SNX27: variants seen among roughly 807,000 people sequenced by gnomAD.
The protein encoded by SNX27 is sorting nexin 27, also known as sorting nexin-27.
SNX27 carries 22 observed loss-of-function variants against 71.6 expected under a neutral mutation model. The observed-to-expected ratio is 0.31, with a 90% CI of 0.22 to 0.44. The LOEUF is 0.44. Among genes scored for constraint, SNX27 ranks in the 20% least tolerant of loss-of-function variants. The probability of loss-of-function intolerance (pLI) is 1.00; values close to 1 mark genes in which losing one functional copy is unlikely to be tolerated. For synonymous variants in SNX27, 269 were observed against 277.2 expected (o/e 0.97, Z 0.29); for missense variants, 531 against 698.6 (o/e 0.76, Z 2.70).
At position 151,612,902 on chromosome 1, in the gene SNX27, G is replaced by C. The variant is rs1289346694; in HGVS notation, c.311+390G>C. 6.6e-6 allele frequency among the ~76,000 whole-genome samples: 1 copy of C among 151,922 alleles called. No individual in the cohort carries two copies. Among genetic ancestry groups the C allele is most frequent in the Non-Finnish European group, 1.5e-5 (1 of 67,990 alleles). On this transcript the variant is annotated intron_variant, in intron 1 of 11. Coordinates refer to ENST00000458013, the MANE Select transcript of SNX27 (RefSeq NM_001330723.2). This position sits in a 1 kb window ranked among gnomAD's most constrained non-coding sequence, Gnocchi z 5.2. ...CCTTACTGACGGCGTTTCGTTTTCT[G>C]ATCCAGCCAGTACCGTGTCCCCCCC...
chr1:151,670,037 C>T (rs1670390835), intron 7 of SNX27, among the ~76,000 whole-genome samples: 1 of 152,130 alleles, frequency 6.6e-6, no homozygotes, highest in South Asian at 2.1e-4. Flanking sequence ...TGACTCTTCC[C>T]CAATTCCCCA....
At chr1:151,639,242 A>G (rs547875183) in intron 2 of SNX27, 123 bp downstream of exon 2, 3 of 752,008 alleles carry the variant, frequency 4.0e-6, no homozygotes, top group Non-Finnish European at 6.4e-6. Flanking sequence ...TACCAGGAGG[A>G]TGAGTTCACA....
chr1:151,625,313 C>G (rs914004943), intron 1 of SNX27, among the ~76,000 whole-genome samples: 4 of 151,964 alleles, frequency 2.6e-5, no homozygotes, highest in Non-Finnish European at 5.9e-5. Context: ...CGAGACTAGC[C>G]TGGCCAACAT....
intron 8 of SNX27, among the ~76,000 whole-genome samples, chr1:151,689,170 C>T (rs961263254): frequency 2.0e-5 from 3 of 152,164 alleles, no homozygotes; most frequent in African/African-American, 7.2e-5. Flanking sequence ...TATGAAGTCT[C>T]ATTTTCTCCT....
intron 1 of SNX27, among the ~76,000 whole-genome samples, chr1:151,633,447 C>T (rs1438217814): frequency 1.3e-5 from 2 of 152,092 alleles, no homozygotes; most frequent in Non-Finnish European, 2.9e-5. Context: ...CAGGCCTGCT[C>T]CAGGATGCCC....
chr1:151,634,662 A>G (rs1455436449), intron 1 of SNX27, among the ~76,000 whole-genome samples: 1 of 152,208 alleles, frequency 6.6e-6, no homozygotes, highest in Non-Finnish European at 1.5e-5. Flanking sequence ...AAGACATAAA[A>G]TAAATTAGAT....
rs184756944 is a variant in SNX27 at position 151,662,900 on chromosome 1, C to G, written c.906+630C>G. On this transcript the variant is annotated intron_variant, in intron 5 of 11. Transcript: ENST00000458013. ...AATTATCAAGATTTTGCCACATTTG[C>G]GTTATGTATGTCTTTTTTCTTTTCC... Among the ~76,000 whole-genome samples the G allele has an allele frequency of 2.8e-3, 424 of 152,048 alleles. 1 individual carries two copies. Among genetic ancestry groups the G allele is most frequent in the African/African-American group, 9.5e-3 (394 of 41,488 alleles).
At chr1:151,632,873 TA>T (rs1668303799) in intron 1 of SNX27, among the ~76,000 whole-genome samples, 3 of 151,628 alleles carry the variant, frequency 2.0e-5, no homozygotes, top group Admixed American at 2.0e-4. Flanking sequence ...TATTTATTTT[TA>T]TTTTTTATTT....
At chr1:151,690,374 GT>G (rs916739437) in intron 8 of SNX27, among the ~76,000 whole-genome samples, 12 of 151,630 alleles carry the variant, frequency 7.9e-5, no homozygotes, top group African/African-American at 2.2e-4. Context: ...TACTTTAAAA[GT>G]TTTTTTTTAG....
Position 151,647,112 on chromosome 1 carries a change from GGTTTACA to G in SNX27, c.543+7994_543+8000del. On this transcript the variant is annotated intron_variant, in intron 2 of 11. Coordinates refer to ENST00000458013, the MANE Select transcript of SNX27 (RefSeq NM_001330723.2). Reference sequence around the variant, plus strand: ...TTTTGCCTGGGTCTACTGACAGACAGGTTTACATCATCTCTATTACTTTTTTTTTTTT... The same window carrying G: ...TTTTGCCTGGGTCTACTGACAGACAGTCATCTCTATTACTTTTTTTTTTTT... 2.0e-5 allele frequency among the ~76,000 whole-genome samples: 3 copies of G among 150,186 alleles called. No individual in the cohort carries two copies. In the South Asian group the frequency reaches 6.3e-4, roughly 32 times the overall value.
Position 151,697,999 on chromosome 1 carries a change from G to C in SNX27, c.*3582G>C, listed in dbSNP as rs544801446. ...CCTTGGGCCATGCTTTGGGCCCTCT[G>C]CTCTTTATATGTTTATTCTATTCTC... is the stretch of plus-strand genomic sequence containing the variant. On this transcript the variant is annotated 3_prime_UTR_variant, in exon 12 of 12. Coordinates refer to ENST00000458013, the MANE Select transcript of SNX27 (RefSeq NM_001330723.2). 8 of 152,152 alleles carry C rather than the reference G, an allele frequency of 5.3e-5. No individual in the cohort carries two copies. Among genetic ancestry groups the C allele is most frequent in the Non-Finnish European group, 1.0e-4 (7 of 68,050 alleles). 9.4% of individuals were successfully genotyped at this position (152,152 alleles called of 1,614,324 possible). A position where few individuals can be genotyped will look rare whatever the true frequency, so the allele number is the denominator to read the frequency against.
chr1:151,673,010 A>G (rs899247701), intron 7 of SNX27, among the ~76,000 whole-genome samples: 25 of 150,400 alleles, frequency 1.7e-4, no homozygotes, highest in African/African-American at 5.6e-4. Flanking sequence ...CTTTTCTTCT[A>G]CTAATTGGGT....
chr1:151,681,174 A>G (rs1670926753), intron 7 of SNX27, among the ~76,000 whole-genome samples: 1 of 150,772 alleles, frequency 6.6e-6, no homozygotes, highest in South Asian at 2.1e-4. Context: ...AAGGGTTTAC[A>G]TGACTTATGC....
chr1:151,695,410 C>CCTT lies in SNX27; in HGVS notation c.*993_*994insCTT, dbSNP rs1671656766. The CCTT allele has an allele frequency of 1.7e-5, 1 of 57,168 alleles. No homozygotes were observed. The highest frequency in any genetic ancestry group is 6.8e-5 in the African/African-American group (1 of 14,666). 3.5% of individuals were successfully genotyped at this position (57,168 alleles called of 1,614,324 possible). A position where few individuals can be genotyped will look rare whatever the true frequency, so the allele number is the denominator to read the frequency against. The stretch of plus-strand genomic sequence containing the variant: ...GGTAGTAATTTCCTGTTTTCCTTGC[C>CCTT]TTTTTTTTTTTTTTTTTTTTTTTTT... On this transcript the variant is annotated 3_prime_UTR_variant, in exon 12 of 12. Transcript: ENST00000458013.
At chr1:151,613,102 C>T (rs1345882605) in intron 1 of SNX27, 1 of 152,532 alleles carries the variant, frequency 6.6e-6, no homozygotes, top group African/African-American at 2.4e-5. Context: ...GTTACCCTCT[C>T]CTCATGGTTA....
intron 11 of SNX27, chr1:151,693,883 G>A: frequency 7.2e-7 from 1 of 1,397,418 alleles, no homozygotes; most frequent in South Asian, 1.7e-5. Context: ...AACCAAGAAT[G>A]TTTGTGTGAG....
chr1:151,695,172 A>G lies in SNX27; in HGVS notation c.*755A>G, dbSNP rs1671645544. 1 of 152,532 alleles carries G rather than the reference A, an allele frequency of 6.6e-6. No homozygotes were observed. The highest frequency in any genetic ancestry group is 6.6e-5 in the Admixed American group (1 of 15,266). 9.4% of individuals were successfully genotyped at this position (152,532 alleles called of 1,614,324 possible). ...GAAAGAGGTGTGTTTCTCAAGGTTA[A>G]CAGGCTGTAGTTCTGCAGGGAGAGC... On this transcript the variant is annotated 3_prime_UTR_variant, in exon 12 of 12. Transcript: ENST00000458013.
At position 151,641,598 on chromosome 1, in the gene SNX27, G is replaced by GATATATATATATATATAT. The variant is rs56886589; in HGVS notation, c.543+2494_543+2511dup. Among the ~76,000 whole-genome samples, 551 of 78,876 alleles carry GATATATATATATATATAT rather than the reference G, an allele frequency of 7.0e-3. 8 individuals carry two copies. Among genetic ancestry groups the GATATATATATATATATAT allele is most frequent in the South Asian group, 0.021 (38 of 1,790 alleles). 51.7% of individuals were successfully genotyped at this position (78,876 alleles called of 152,430 possible). A position where few individuals can be genotyped will look rare whatever the true frequency, so the allele number is the denominator to read the frequency against. On this transcript the variant is annotated intron_variant, in intron 2 of 11. Transcript: ENST00000458013. ...TTCTGGTTCTACAAGTCCTTTATCA[G>GATATATATATATATATAT]ATATATATATATATATATATATATA...
At chr1:151,680,107 G>A (rs533981839) in intron 7 of SNX27, 11 of 150,936 alleles carry the variant, frequency 7.3e-5, no homozygotes, top group African/African-American at 1.7e-4. Flanking sequence ...GGAAACTAGG[G>A]TGGTGATATT....
Sources: allele counts gnomAD v4.1 joint callset (sites outside exome capture counted in the v4.1 genomes callset), GRCh38; gene constraint gnomAD v4.1.1; non-coding constraint Gnocchi (gnomAD v3.1); transcripts MANE v1.5; gene names NCBI Gene and HGNC (gene_info 2026-07-23, HGNC 2026-07-21).